PPM1L: variants seen among roughly 807,000 people sequenced by gnomAD.
The protein encoded by PPM1L is protein phosphatase, Mg2+/Mn2+ dependent 1L, also known as protein phosphatase 1L.
In PPM1L, 13 loss-of-function variants were observed where a neutral mutation model predicts 31.4. The observed-to-expected ratio is 0.41, with a 90% CI of 0.27 to 0.66. The LOEUF is 0.66. Ranked by LOEUF, PPM1L falls within the 30% of genes least tolerant of loss-of-function variation. The pLI, the probability that PPM1L is intolerant of heterozygous loss-of-function variation, is 0.29. For synonymous variants in PPM1L, 184 were observed against 175.4 expected (o/e 1.05, Z -0.39); for missense variants, 326 against 453.7 (o/e 0.72, Z 2.56).
intron 1 of PPM1L, among the ~76,000 whole-genome samples, chr3:160,945,779 C>G (rs1334907463): frequency 6.6e-6 from 1 of 152,110 alleles, no homozygotes; most frequent in Non-Finnish European, 1.5e-5. Context: ...TTTTCTCCTC[C>G]TCCTCAGCCT....
chr3:161,011,879 A>C (rs1332897856), intron 2 of PPM1L, among the ~76,000 whole-genome samples: 1 of 152,086 alleles, frequency 6.6e-6, no homozygotes, highest in East Asian at 1.9e-4. Context: ...TATCCTGAGA[A>C]CTTGCTGAAG....
chr3:160,915,033 A>G (rs1714117262), intron 1 of PPM1L, among the ~76,000 whole-genome samples: 1 of 152,116 alleles, frequency 6.6e-6, no homozygotes, highest in Non-Finnish European at 1.5e-5. Context: ...CATTTATCTG[A>G]TGGCCAGTTG....
At chr3:160,890,208 C>G (rs1352774768) in intron 1 of PPM1L, among the ~76,000 whole-genome samples, 2 of 152,144 alleles carry the variant, frequency 1.3e-5, no homozygotes, top group Non-Finnish European at 2.9e-5. Flanking sequence ...GTCAAATTGT[C>G]TGTTTGCAGA....
At chr3:161,058,739 A>G (rs1719493288) in intron 2 of PPM1L, among the ~76,000 whole-genome samples, 1 of 152,100 alleles carries the variant, frequency 6.6e-6, no homozygotes, top group Non-Finnish European at 1.5e-5. Flanking sequence ...TATGTTTGTG[A>G]GCCACTTAGT....
At chr3:160,867,939 G>A (rs1712153253) in intron 1 of PPM1L, among the ~76,000 whole-genome samples, 1 of 152,052 alleles carries the variant, frequency 6.6e-6, no homozygotes, top group Non-Finnish European at 1.5e-5. Flanking sequence ...AAACCACTTT[G>A]ACTTCATACT....
At chr3:160,835,760 A>C (rs1713696455) in intron 1 of PPM1L, among the ~76,000 whole-genome samples, 1 of 152,210 alleles carries the variant, frequency 6.6e-6, no homozygotes, top group Non-Finnish European at 1.5e-5. Context: ...GCTTAGCAGC[A>C]TATTATCATG....
At chr3:160,912,897 G>A (rs112394774) in intron 1 of PPM1L, among the ~76,000 whole-genome samples, 2 of 152,124 alleles carry the variant, frequency 1.3e-5, no homozygotes, top group African/African-American at 4.8e-5. Context: ...GAAACAGAAT[G>A]GCTGTAGGAA....
At chr3:160,898,926 G>A (rs1713438242) in intron 1 of PPM1L, among the ~76,000 whole-genome samples, 1 of 152,162 alleles carries the variant, frequency 6.6e-6, no homozygotes, top group African/African-American at 2.4e-5. Flanking sequence ...GTAGCTAGCA[G>A]AACCAGGATT....
At chr3:160,955,268 C>A (rs894864192) in intron 1 of PPM1L, among the ~76,000 whole-genome samples, 26 of 152,140 alleles carry the variant, frequency 1.7e-4, no homozygotes, top group African/African-American at 6.0e-4. Flanking sequence ...GCCTCGGCCT[C>A]CCAAAGTGCT....
chr3:160,872,890 A>G lies in PPM1L; in HGVS notation c.400-88846A>G, dbSNP rs145229392. Among the ~76,000 whole-genome samples, 601 of 152,178 alleles carry G rather than the reference A, an allele frequency of 3.9e-3. 4 individuals are homozygous for G. The highest frequency in any genetic ancestry group is 0.014 in the African/African-American group (577 of 41,528). On this transcript the variant is annotated intron_variant, in intron 1 of 3. Coordinates refer to ENST00000498165, the MANE Select transcript of PPM1L (RefSeq NM_139245.4). ...TGCAGTGAGCCGAGATTGCGCCACT[A>G]CACTCCAGCCTGGGCGGCACAGCGG... is the stretch of plus-strand genomic sequence containing the variant.
At chr3:160,955,812 G>A (rs201097277) in intron 1 of PPM1L, among the ~76,000 whole-genome samples, 4 of 150,580 alleles carry the variant, frequency 2.7e-5, no homozygotes, top group African/African-American at 5.0e-5. Flanking sequence ...CACCACGTCC[G>A]GATAATTTTT....
chr3:160,961,616 T>C, intron 1 of PPM1L, 120 bp from the exon 2 acceptor site: 1 of 701,402 alleles, frequency 1.4e-6, no homozygotes, highest in East Asian at 3.2e-5. Flanking sequence ...AAGGACATGC[T>C]TGTCTGGAGG....
At chr3:160,959,855 T>A (rs984622609) in intron 1 of PPM1L, among the ~76,000 whole-genome samples, 2 of 151,852 alleles carry the variant, frequency 1.3e-5, no homozygotes, top group Non-Finnish European at 2.9e-5. Flanking sequence ...AATAAAAAAA[T>A]AAAGTGTCTT....
chr3:161,042,540 C>T (rs557970969), intron 2 of PPM1L, among the ~76,000 whole-genome samples: 1 of 152,200 alleles, frequency 6.6e-6, no homozygotes, highest in Admixed American at 6.5e-5. Flanking sequence ...CCCTCCCTCC[C>T]CAGTTCCATG....
intron 1 of PPM1L, among the ~76,000 whole-genome samples, chr3:160,819,077 T>G (rs2108089698): frequency 6.6e-6 from 1 of 151,902 alleles, no homozygotes. Flanking sequence ...TGGAATGGTA[T>G]AAACCATAAT....
At chr3:160,760,331 C>G (rs1458913093) in intron 1 of PPM1L, among the ~76,000 whole-genome samples, 4 of 152,202 alleles carry the variant, frequency 2.6e-5, no homozygotes, top group Admixed American at 1.3e-4. Flanking sequence ...AGTTAGTTCT[C>G]TTGAGCATAT....
At chr3:160,916,381 G>C (rs1013942262) in intron 1 of PPM1L, among the ~76,000 whole-genome samples, 1 of 152,020 alleles carries the variant, frequency 6.6e-6, no homozygotes, top group Non-Finnish European at 1.5e-5. Context: ...ATATATCCTA[G>C]ATATAATTTT....
chr3:160,968,414 T>C (rs982613029), intron 2 of PPM1L, among the ~76,000 whole-genome samples: 2 of 152,188 alleles, frequency 1.3e-5, no homozygotes, highest in Non-Finnish European at 2.9e-5. Flanking sequence ...CAAAATAGCA[T>C]TTTACACTGT....
chr3:160,833,676 C>T (rs1247918320), intron 1 of PPM1L, among the ~76,000 whole-genome samples: 3 of 151,722 alleles, frequency 2.0e-5, no homozygotes, highest in East Asian at 1.9e-4. Flanking sequence ...GGATATTAGA[C>T]CTTTGTTAGG....
Sources: allele counts gnomAD v4.1 joint callset (sites outside exome capture counted in the v4.1 genomes callset), GRCh38; gene constraint gnomAD v4.1.1; transcripts MANE v1.5; gene names NCBI Gene and HGNC (gene_info 2026-07-23, HGNC 2026-07-21).